Variants in SULF2 observed in about 807,000 individuals in gnomAD.
The protein encoded by SULF2 is sulfatase 2, also known as extracellular sulfatase Sulf-2.
SULF2 carries 52 observed loss-of-function variants against 107.7 expected under a neutral mutation model. The observed-to-expected ratio is 0.48, with a 90% CI of 0.39 to 0.61. The LOEUF (loss-of-function observed/expected upper bound fraction) is 0.61. SULF2 is among the 20% of genes least tolerant of loss of function. The probability of loss-of-function intolerance (pLI) is 0.00; values close to 1 mark genes in which losing one functional copy is unlikely to be tolerated. For missense variants in SULF2, 993 were observed against 1,177.3 expected (o/e 0.84, Z 2.29); for synonymous variants, 460 against 464.3 (o/e 0.99, Z 0.12).
At chr20:47,738,623 A>G (rs2089802709) in intron 2 of SULF2, among the ~76,000 whole-genome samples, 1 of 152,170 alleles carries the variant, frequency 6.6e-6, no homozygotes, top group African/African-American at 2.4e-5. Flanking sequence ...TTCTCTTGGT[A>G]GTGAATAAGT....
At chr20:47,725,282 A>C (rs1314628888) in intron 3 of SULF2, among the ~76,000 whole-genome samples, 2 of 152,222 alleles carry the variant, frequency 1.3e-5, no homozygotes, top group East Asian at 3.8e-4. Flanking sequence ...ATTCCTGGGA[A>C]TATGCAAAAA....
intron 17 of SULF2, 80 bp downstream of exon 17, chr20:47,662,990 T>C: frequency 6.6e-7 from 1 of 1,515,398 alleles, no homozygotes; most frequent in Non-Finnish European, 9.0e-7. Context: ...TTGTCATCAC[T>C]TCCCTGAGGT....
At chr20:47,703,297 T>C (rs1775434335) in intron 3 of SULF2, among the ~76,000 whole-genome samples, 1 of 152,238 alleles carries the variant, frequency 6.6e-6, no homozygotes, top group African/African-American at 2.4e-5. Context: ...AATGGGATAT[T>C]AAATACTGGT....
Position 47,672,394 on chromosome 20 carries a change from C to A in SULF2, c.1381-1G>T. On this transcript the variant is annotated splice_acceptor_variant, in intron 10 of 20. Coordinates refer to ENST00000688720, the MANE Select transcript of SULF2 (RefSeq NM_001387048.1). LOFTEE classifies it high-confidence loss of function. ...TGGCGTCCTCCACACACTGCCACTT[C>A]TGAAAGACATGCCAGGGCCTCGGCC... 6.2e-7 allele frequency: 1 copy of A among 1,603,628 alleles called. No homozygotes were observed. The highest frequency in any genetic ancestry group is 8.5e-7 in the Non-Finnish European group (1 of 1,174,820).
At chr20:47,775,061 A>G (rs2090700461) in intron 1 of SULF2, among the ~76,000 whole-genome samples, 1 of 152,126 alleles carries the variant, frequency 6.6e-6, no homozygotes, top group African/African-American at 2.4e-5. Flanking sequence ...TGCTACTTGC[A>G]GTCTGTGATG....
intron 1 of SULF2, among the ~76,000 whole-genome samples, chr20:47,759,869 A>T (rs1280830666): frequency 1.3e-5 from 2 of 152,256 alleles, no homozygotes; most frequent in Non-Finnish European, 2.9e-5. Flanking sequence ...TCACTACTGC[A>T]GCCTGCAATT....
At chr20:47,755,061 C>A (rs1237853960) in intron 2 of SULF2, among the ~76,000 whole-genome samples, 1 of 152,154 alleles carries the variant, frequency 6.6e-6, no homozygotes, top group Non-Finnish European at 1.5e-5. Flanking sequence ...TGGTCTCGAA[C>A]TCCTGGCCTC....
chr20:47,736,158 G>A (rs2089724395), intron 3 of SULF2, among the ~76,000 whole-genome samples: 1 of 152,154 alleles, frequency 6.6e-6, no homozygotes, highest in African/African-American at 2.4e-5. Context: ...TGAAGGATAA[G>A]CAAACAGGAA....
rs1444096755 is a variant in SULF2 at position 47,672,212 on chromosome 20, T to C, written c.1562A>G (p.Lys521Arg). The C allele has an allele frequency of 1.6e-5, 26 of 1,608,622 alleles. No homozygotes were observed. Among genetic ancestry groups the C allele is most frequent in the Non-Finnish European group, 2.1e-5 (25 of 1,176,220 alleles). Residue 521 changes from lysine to arginine, a missense_variant, in exon 11 of 21, where the codon AAA becomes AGA. By Grantham distance (26) the Lys-to-Arg change is conservative. Coordinates refer to ENST00000688720, the MANE Select transcript of SULF2 (RefSeq NM_001387048.1). ...GTGACACTTACTCTTCTTGAAGAGTTTTTTCCGGCGTCCGGCCAGGCTGAG... is the reference window on the plus strand; with the variant it reads ...GTGACACTTACTCTTCTTGAAGAGTCTTTTCCGGCGTCCGGCCAGGCTGAG... ...YKLSLAGRRK[K>R]LFKKKYKASY...
chr20:47,738,544 T>C (rs961884192), intron 2 of SULF2, among the ~76,000 whole-genome samples: 1 of 152,224 alleles, frequency 6.6e-6, no homozygotes. Flanking sequence ...GGCTCCCATA[T>C]TTCCCACGTG....
intron 3 of SULF2, among the ~76,000 whole-genome samples, chr20:47,733,111 A>C (rs2089652396): frequency 6.6e-6 from 1 of 152,234 alleles, no homozygotes; most frequent in South Asian, 2.1e-4. Context: ...TTGTAAAATT[A>C]ATTAAAATGA....
At chr20:47,718,725 A>G (rs1307180618) in intron 3 of SULF2, among the ~76,000 whole-genome samples, 2 of 152,138 alleles carry the variant, frequency 1.3e-5, no homozygotes, top group Non-Finnish European at 2.9e-5. Flanking sequence ...AATGAGGAGG[A>G]CAGATTTGCC....
chr20:47,731,210 T>TTTTTG (rs1491437167), intron 3 of SULF2, among the ~76,000 whole-genome samples: 1 of 135,764 alleles, frequency 7.4e-6, no homozygotes, highest in African/African-American at 3.1e-5. Flanking sequence ...TTTTTTTTTT[T>TTTTTG]GAGACAGAGT....
intron 3 of SULF2, among the ~76,000 whole-genome samples, chr20:47,714,261 G>A (rs777975377): frequency 1.3e-5 from 2 of 152,170 alleles, no homozygotes; most frequent in African/African-American, 2.4e-5. Context: ...CATTTGGACC[G>A]CTGCATACTT....
intron 4 of SULF2, among the ~76,000 whole-genome samples, chr20:47,701,829 C>T (rs557077310): frequency 7.9e-5 from 12 of 152,098 alleles, no homozygotes; most frequent in South Asian, 2.1e-4. Context: ...GTTATCCTCG[C>T]GGGAGGGGTG....
intron 2 of SULF2, among the ~76,000 whole-genome samples, chr20:47,756,965 G>A (rs939858831): frequency 2.0e-5 from 3 of 152,182 alleles, no homozygotes; most frequent in African/African-American, 7.2e-5. Context: ...TAACTCTTTG[G>A]AGAAATCCAG....
At chr20:47,676,136 C>T (rs1301224743) in intron 10 of SULF2, among the ~76,000 whole-genome samples, 1 of 152,188 alleles carries the variant, frequency 6.6e-6, no homozygotes, top group Admixed American at 6.5e-5. Context: ...AAAAGGAAAA[C>T]CAGTCACAAA....
chr20:47,744,205 T>A (rs1045185585), intron 2 of SULF2, among the ~76,000 whole-genome samples: 1 of 152,098 alleles, frequency 6.6e-6, no homozygotes, highest in African/African-American at 2.4e-5. Context: ...TGTTTTGAGA[T>A]GGAGTCTCCC....
At chr20:47,707,926 T>C (rs868475085) in intron 3 of SULF2, among the ~76,000 whole-genome samples, 2 of 152,266 alleles carry the variant, frequency 1.3e-5, no homozygotes, top group South Asian at 2.1e-4. Context: ...TGAAACAATC[T>C]AGGGTAAAAT....
Sources: allele counts gnomAD v4.1 joint callset (sites outside exome capture counted in the v4.1 genomes callset), GRCh38; gene constraint gnomAD v4.1.1; transcripts MANE v1.5; gene names NCBI Gene and HGNC (gene_info 2026-07-23, HGNC 2026-07-21).